The following SPATS1 variants were observed in gnomAD, a reference collection of about 807,000 sequenced individuals.
SPATS1 encodes the protein spermatogenesis associated serine rich 1, also known as spermatogenesis-associated serine-rich protein 1.
Under a neutral mutation model 33.6 loss-of-function variants are expected in SPATS1, and 23 were observed. The observed-to-expected ratio is 0.68, with a 90% confidence interval of 0.49 to 0.97. The LOEUF (loss-of-function observed/expected upper bound fraction) is 0.97, where lower values mean the gene tolerates loss of function less well. Among genes scored for constraint, SPATS1 ranks in the 50% least tolerant of loss-of-function variants. The pLI is 0.00. For synonymous variants in SPATS1, 131 were observed against 125.6 expected, an observed-to-expected ratio of 1.04 and a Z score of -0.29; for missense variants, 327 against 361.0, an observed-to-expected ratio of 0.91 and a Z score of 0.76.
At chr6:44,370,013 G>A in intron 6 of SPATS1, 38 bp from the exon 7 acceptor site, 1 of 1,492,724 alleles carries the variant, frequency 6.7e-7, no homozygotes, top group Non-Finnish European at 9.3e-7. Flanking sequence ...TGCTGTAGAT[G>A]GCATACCAGT....
chr6:44,345,252 C>T (rs1315424790), intron 2 of SPATS1, among the ~76,000 whole-genome samples: 5 of 151,898 alleles, frequency 3.3e-5, no homozygotes, highest in Admixed American at 6.6e-5. Context: ...AGGAAGATGC[C>T]GTAGTCAGCT....
At chr6:44,369,805 G>A (rs1428886707) in intron 6 of SPATS1, among the ~76,000 whole-genome samples, 4 of 152,036 alleles carry the variant, frequency 2.6e-5, no homozygotes, top group African/African-American at 7.2e-5. Context: ...CTGAAAGGTC[G>A]AGGCTGCAGT....
intron 3 of SPATS1, among the ~76,000 whole-genome samples, chr6:44,354,049 A>C (rs9472260): frequency 0.035 from 5,196 of 149,518 alleles, 312 homozygotes; most frequent in African/African-American, 0.12. Flanking sequence ...AAAAAAAAAA[A>C]AAAACAAAAA....
intron 3 of SPATS1, among the ~76,000 whole-genome samples, chr6:44,355,005 G>A (rs1476850729): frequency 6.6e-6 from 1 of 151,862 alleles, no homozygotes; most frequent in Non-Finnish European, 1.5e-5. Flanking sequence ...TTTTTTTGTA[G>A]AGACAGGATC....
intron 2 of SPATS1, among the ~76,000 whole-genome samples, chr6:44,349,288 CAAAA>C (rs35407623): frequency 1.1e-3 from 77 of 72,626 alleles, no homozygotes; most frequent in Middle Eastern, 9.1e-3. Context: ...GACTCTGGCT[CAAAA>C]AAAAAAAAAA....
At chr6:44,366,129 T>TATATATA (rs66541781) in intron 5 of SPATS1, among the ~76,000 whole-genome samples, 1 of 90,226 alleles carries the variant, frequency 1.1e-5, no homozygotes, top group African/African-American at 4.1e-5. Context: ...ATATATATAT[T>TATATATA]TTTTTTTTTT....
rs199644446 is a variant in SPATS1, at chr6:44,376,108, A to AG, written c.759-250_759-249insG. On this transcript the variant is annotated intron_variant, in intron 7 of 8. Transcript: ENST00000674044. ...GCGATGGAGTGAGACTTTGTTTCAA[A>AG]AAAAAAAAATGTGGAAGCACAGAGG... Among the ~76,000 whole-genome samples the AG allele has an allele frequency of 3.9e-5, 6 of 152,072 alleles. No individual in the cohort carries two copies. The East Asian group carries it at 1.2e-3, about 29-fold the overall frequency.
intron 4 of SPATS1, 191 bp from the exon 5 acceptor site, chr6:44,361,638 CCT>C (rs1361456566): frequency 2.7e-6 from 2 of 751,230 alleles, no homozygotes; most frequent in Non-Finnish European, 3.2e-6. Flanking sequence ...ATAGCTCTCC[CCT>C]GACTTCCCTT....
chr6:44,368,754 CTT>C (rs1414130677), intron 6 of SPATS1, among the ~76,000 whole-genome samples: 2 of 152,102 alleles, frequency 1.3e-5, no homozygotes, highest in Non-Finnish European at 2.9e-5. Flanking sequence ...GATTTGAAAA[CTT>C]TTAAATTTTC....
In SPATS1 at chr6:44,379,417, T is replaced by C. The variant is rs1305112359; in HGVS notation, c.*2354T>C. 6.6e-6 allele frequency among the ~76,000 whole-genome samples: 1 copy of C among 151,498 alleles called. No individual in the cohort carries two copies. The highest frequency in any genetic ancestry group is 1.9e-4 in the East Asian group (1 of 5,156). ...CATCCTGGCTAACATGGAGAAACCCTGTCTCTATTAAAAACACAAAAAAAT... is the reference window on the plus strand; with the variant it reads ...CATCCTGGCTAACATGGAGAAACCCCGTCTCTATTAAAAACACAAAAAAAT... On this transcript the variant is annotated 3_prime_UTR_variant, in exon 9 of 9. Transcript: ENST00000674044.
chr6:44,369,707 A>T (rs1434756237), intron 6 of SPATS1, among the ~76,000 whole-genome samples: 1 of 151,822 alleles, frequency 6.6e-6, no homozygotes, highest in Non-Finnish European at 1.5e-5. Context: ...CCCCTTCTCT[A>T]CAAAAATACA....
At chr6:44,343,738 C>T (rs368105213) in intron 2 of SPATS1, among the ~76,000 whole-genome samples, 3 of 152,054 alleles carry the variant, frequency 2.0e-5, no homozygotes, top group Non-Finnish European at 2.9e-5. Context: ...TGGTTAAGGC[C>T]GAGGAGGGTA....
intron 7 of SPATS1, among the ~76,000 whole-genome samples, chr6:44,371,316 A>G (rs1156283984): frequency 4.0e-5 from 6 of 151,410 alleles, no homozygotes; most frequent in African/African-American, 1.5e-4. Flanking sequence ...AAAAAAAAAA[A>G]GAGAGAGAAG....
intron 7 of SPATS1, among the ~76,000 whole-genome samples, chr6:44,375,825 G>C (rs1051019052): frequency 6.6e-6 from 1 of 151,604 alleles, no homozygotes; most frequent in Middle Eastern, 3.2e-3. Context: ...AAAAATATGG[G>C]CTGGGTATAG....
chr6:44,350,083 GC>G (rs1279292659), intron 2 of SPATS1, among the ~76,000 whole-genome samples: 1 of 152,118 alleles, frequency 6.6e-6, no homozygotes, highest in Non-Finnish European at 1.5e-5. Context: ...TGTGCTGGGG[GC>G]TGCTCTAGGC....
chr6:44,350,559 G>C (rs1035928473), intron 2 of SPATS1, among the ~76,000 whole-genome samples: 1 of 152,236 alleles, frequency 6.6e-6, no homozygotes, highest in African/African-American at 2.4e-5. Context: ...ATTTTGAAGG[G>C]AGGGAGTAGC....
At chr6:44,376,668 C>T (rs1019391975) in intron 8 of SPATS1, among the ~76,000 whole-genome samples, 195 bp downstream of exon 8, 18 of 152,092 alleles carry the variant, frequency 1.2e-4, no homozygotes, top group African/African-American at 2.2e-4. Context: ...GGTGTGGTGG[C>T]GCGTGCCTGT....
chr6:44,349,039 G>T (rs1788073720), intron 2 of SPATS1, among the ~76,000 whole-genome samples: 1 of 152,166 alleles, frequency 6.6e-6, no homozygotes, highest in Non-Finnish European at 1.5e-5. Flanking sequence ...GCTGAGACAG[G>T]AGAATCGCTT....
chr6:44,376,544 G>A, intron 8 of SPATS1, 71 bp downstream of exon 8: 3 of 1,100,860 alleles, frequency 2.7e-6, no homozygotes, highest in East Asian at 2.6e-5. Context: ...GCTCACTCCT[G>A]TAATCCCAGC....
Sources: allele counts gnomAD v4.1 joint callset (sites outside exome capture counted in the v4.1 genomes callset), GRCh38; gene constraint gnomAD v4.1.1; transcripts MANE v1.5; gene names NCBI Gene and HGNC (gene_info 2026-07-23, HGNC 2026-07-21).